The following MYLK4 variants were observed in gnomAD, a reference collection of about 807,000 sequenced individuals.
The protein encoded by MYLK4 is caMLCK like.
Under a neutral mutation model 48.1 loss-of-function variants are expected in MYLK4, and 46 were observed. The observed-to-expected ratio is 0.96, with a 90% CI of 0.75 to 1.22. MYLK4 has a LOEUF of 1.22. Among genes scored for constraint, MYLK4 ranks in the 50% most tolerant of loss-of-function variants. MYLK4 has a pLI of 0.00. For synonymous variants in MYLK4, 170 were observed against 180.8 expected (o/e 0.94, Z 0.48); for missense variants, 451 against 486.1 (o/e 0.93, Z 0.68).
At chr6:2,696,486 G>A (rs765199791) in intron 2 of MYLK4, among the ~76,000 whole-genome samples, 28 of 152,220 alleles carry the variant, frequency 1.8e-4, no homozygotes, top group Non-Finnish European at 2.8e-4. Context: ...CAAAATGAAA[G>A]TTTGCTCACT....
At chr6:2,693,100 C>A (rs1034485522) in intron 2 of MYLK4, among the ~76,000 whole-genome samples, 1 of 152,090 alleles carries the variant, frequency 6.6e-6, no homozygotes, top group African/African-American at 2.4e-5. Context: ...TCACCCCAGG[C>A]TGAAAACTAC....
At chr6:2,737,111 G>T (rs888083086) in intron 2 of MYLK4, among the ~76,000 whole-genome samples, 4 of 152,114 alleles carry the variant, frequency 2.6e-5, no homozygotes, top group Non-Finnish European at 4.4e-5. Context: ...TCAAGAGATC[G>T]AGACCATCCT....
chr6:2,699,445 C>T (rs1192061976), intron 2 of MYLK4, among the ~76,000 whole-genome samples: 1 of 131,678 alleles, frequency 7.6e-6, no homozygotes, highest in East Asian at 2.2e-4. Context: ...TGCCCCCTAC[C>T]ACACCTGGCT....
intron 2 of MYLK4, among the ~76,000 whole-genome samples, chr6:2,701,412 G>A (rs1762275010): frequency 6.6e-6 from 1 of 152,154 alleles, no homozygotes; most frequent in African/African-American, 2.4e-5. Flanking sequence ...AATGTGAGGC[G>A]AGGTGTGGTC....
the MYLK4 span, among the ~76,000 whole-genome samples, chr6:2,769,151 T>C: frequency 1.3e-5 from 2 of 152,216 alleles, no homozygotes; most frequent in African/African-American, 4.8e-5. Flanking sequence ...AATTTCCAGT[T>C]TTAGGAATTT....
intron 2 of MYLK4, among the ~76,000 whole-genome samples, chr6:2,720,098 AT>A (rs1028388450): frequency 6.6e-6 from 1 of 151,672 alleles, no homozygotes; most frequent in East Asian, 1.9e-4. Context: ...CTGTCCTAAC[AT>A]TTTTTTTAAA....
intron 2 of MYLK4, among the ~76,000 whole-genome samples, chr6:2,718,197 A>AGG (rs1561862660): frequency 6.9e-5 from 10 of 144,216 alleles, no homozygotes; most frequent in African/African-American, 2.6e-4. Flanking sequence ...AAAAAAAAAA[A>AGG]AAAAGAAAAA....
rs1214457939 is a variant in MYLK4 at position 2,685,633 on chromosome 6, C to T, written c.342-57G>A. 1 of 1,512,090 alleles carries T rather than the reference C, an allele frequency of 6.6e-7. No homozygotes were observed. The highest frequency in any genetic ancestry group is 1.4e-5 in the African/African-American group (1 of 73,024). 93.7% of individuals were successfully genotyped at this position (1,512,090 alleles called of 1,614,324 possible). A position where few individuals can be genotyped will look rare whatever the true frequency, so the allele number is the denominator to read the frequency against. ...GCCCTGTGGTCAGCTGCCGAGTGGA[C>T]AGCGCACAGTGGCCCCAGTATTTCT... On this transcript the variant is annotated intron_variant, in intron 4 of 12. Transcript: ENST00000274643. The surrounding 1 kb of genome is among the most constrained non-coding windows in gnomAD (Gnocchi z 4.5).
chr6:2,765,677 C>T, the MYLK4 span: 2 of 1,553,312 alleles, frequency 1.3e-6, no homozygotes, highest in African/African-American at 1.4e-5. Context: ...GCACCAGGTG[C>T]AGTGCCCCGT....
chr6:2,678,163 G>A, intron 10 of MYLK4, 57 bp downstream of exon 10: 1 of 1,580,420 alleles, frequency 6.3e-7, no homozygotes, highest in Non-Finnish European at 8.6e-7. Flanking sequence ...CCTGGTGGTA[G>A]GCCCTGCTTC....
the MYLK4 span, among the ~76,000 whole-genome samples, chr6:2,766,910 C>G: frequency 3.3e-5 from 5 of 152,050 alleles, no homozygotes; most frequent in Admixed American, 3.3e-4. Flanking sequence ...CTTCCTTTTC[C>G]ACTAGTTGTT....
At chr6:2,690,974 G>A (rs926810546) in intron 3 of MYLK4, among the ~76,000 whole-genome samples, 4 of 151,744 alleles carry the variant, frequency 2.6e-5, no homozygotes, top group South Asian at 4.2e-4. Flanking sequence ...GACTACAGGC[G>A]CCCGCCACCA....
At chr6:2,684,416 G>A (rs1373714217) in intron 6 of MYLK4, among the ~76,000 whole-genome samples, 1 of 152,174 alleles carries the variant, frequency 6.6e-6, no homozygotes, top group African/African-American at 2.4e-5. Flanking sequence ...TGAGACCATG[G>A]AAAGTGAAAG....
chr6:2,687,996 C>T (rs1341095953), intron 4 of MYLK4, among the ~76,000 whole-genome samples: 1 of 152,168 alleles, frequency 6.6e-6, no homozygotes, highest in Non-Finnish European at 1.5e-5. Context: ...ACCCTCTCCC[C>T]ACCCCCAGCA....
At chr6:2,706,027 GT>G (rs1762473979) in intron 2 of MYLK4, among the ~76,000 whole-genome samples, 1 of 151,958 alleles carries the variant, frequency 6.6e-6, no homozygotes, top group Non-Finnish European at 1.5e-5. Flanking sequence ...TGTTTAAAAT[GT>G]TTTTGCCAAA....
chr6:2,674,464 A>G (rs1011572020), intron 11 of MYLK4, among the ~76,000 whole-genome samples: 5 of 152,256 alleles, frequency 3.3e-5, no homozygotes, highest in African/African-American at 1.2e-4. Context: ...ATGTGCACAT[A>G]AGACAATGAA....
At chr6:2,715,260 CAA>C (rs11445482) in intron 2 of MYLK4, among the ~76,000 whole-genome samples, 1 of 142,362 alleles carries the variant, frequency 7.0e-6, no homozygotes, top group Non-Finnish European at 1.5e-5. Context: ...GACTCCGTTT[CAA>C]AAAAAAAAAA....
At chr6:2,692,965 C>T in intron 2 of MYLK4, 106 bp from the exon 3 acceptor site, 1 of 1,035,358 alleles carries the variant, frequency 9.7e-7, no homozygotes, top group Non-Finnish European at 1.4e-6. Flanking sequence ...TGGGGAATGT[C>T]ACGAGCATTA....
Position 2,743,148 on chromosome 6 carries a change from AG to A in MYLK4, c.159+5987del, listed in dbSNP as rs1763956371. Among the ~76,000 whole-genome samples the A allele has an allele frequency of 2.6e-5, 4 of 152,278 alleles. No individual in the cohort carries two copies. The South Asian group carries it at 8.3e-4, about 32-fold the overall frequency. ...GGGAAAAAACCCTAAAAAGTCTAGG[AG>A]GGGGTGGATGATAATGAAAACAAGG... On this transcript the variant is annotated intron_variant, in intron 2 of 12. Coordinates refer to ENST00000274643, the MANE Select transcript of MYLK4 (RefSeq NM_001012418.5).
Sources: allele counts gnomAD v4.1 joint callset (sites outside exome capture counted in the v4.1 genomes callset), GRCh38; gene constraint gnomAD v4.1.1; non-coding constraint Gnocchi (gnomAD v3.1); transcripts MANE v1.5; gene names NCBI Gene and HGNC (gene_info 2026-07-23, HGNC 2026-07-21).